ADCY1: variants seen among roughly 807,000 people sequenced by gnomAD.
ADCY1 encodes adenylate cyclase 1, also known as adenylate cyclase type 1.
Under a neutral mutation model 105.4 loss-of-function variants are expected in ADCY1, and 28 were observed. That is an observed-to-expected ratio of 0.27 (90% CI 0.20 to 0.36). The LOEUF (loss-of-function observed/expected upper bound fraction) is 0.36, where lower values mean the gene tolerates loss of function less well. Among genes scored for constraint, ADCY1 ranks in the 10% least tolerant of loss-of-function variants. The pLI is 1.00. For missense variants in ADCY1, 977 were observed against 1,434.2 expected, an observed-to-expected ratio of 0.68 and a Z score of 5.15; for synonymous variants, 655 against 623.8, an observed-to-expected ratio of 1.05 and a Z score of -0.75.
intron 4 of ADCY1, among the ~76,000 whole-genome samples, chr7:45,640,132 T>C (rs772573835): frequency 2.6e-5 from 4 of 152,158 alleles, no homozygotes; most frequent in Non-Finnish European, 5.9e-5. Context: ...AAGGCGAACA[T>C]TCATGGCTTT....
intron 3 of ADCY1, among the ~76,000 whole-genome samples, chr7:45,614,738 G>A (rs1219110728): frequency 1.3e-5 from 2 of 152,166 alleles, no homozygotes; most frequent in Non-Finnish European, 2.9e-5. Context: ...GGCTGTGCTT[G>A]TATCAGAAAA....
chr7:45,592,709 G>T (rs749928042), intron 1 of ADCY1, 50 bp from the exon 2 acceptor site: 16 of 1,611,262 alleles, frequency 9.9e-6, no homozygotes, highest in Non-Finnish European at 1.3e-5. Context: ...GGCCCTCTTT[G>T]TGTGTGTGGG....
At chr7:45,657,600 C>G in intron 5 of ADCY1, 127 bp from the exon 6 acceptor site, 1 of 1,034,852 alleles carries the variant, frequency 9.7e-7, no homozygotes. Flanking sequence ...CCTCCACGCT[C>G]AGGCCACATG....
chr7:45,692,730 A>T (rs1784806821), intron 14 of ADCY1, among the ~76,000 whole-genome samples: 3 of 152,208 alleles, frequency 2.0e-5, no homozygotes, highest in Admixed American at 2.0e-4. Flanking sequence ...GCAGATGGTG[A>T]TAGATTTGTT....
At chr7:45,682,940 A>G (rs1364778381) in intron 11 of ADCY1, among the ~76,000 whole-genome samples, 1 of 152,146 alleles carries the variant, frequency 6.6e-6, no homozygotes, top group Non-Finnish European at 1.5e-5. Context: ...AGACAGCCCG[A>G]GGGCTTCATT....
chr7:45,682,978 G>C (rs540704975), intron 11 of ADCY1, among the ~76,000 whole-genome samples: 1 of 152,148 alleles, frequency 6.6e-6, no homozygotes, highest in African/African-American at 2.4e-5. Context: ...AGACGGTCAG[G>C]AAATGGTGCC....
rs1416334372 is a variant in ADCY1, at chr7:45,708,483, A to G, written c.2932+19A>G. 1 of 1,565,882 alleles carries G rather than the reference A, an allele frequency of 6.4e-7. No homozygotes were observed. Among genetic ancestry groups the G allele is most frequent in the Non-Finnish European group, 8.8e-7 (1 of 1,136,602 alleles). ...CGAGTTGGTATGTGGCTCTAAACCT[A>G]TCCTGTCCATCCATGTGGAACACCT... On this transcript the variant is annotated intron_variant, in intron 18 of 19. Transcript: ENST00000297323. This position sits in a 1 kb window ranked among gnomAD's most constrained non-coding sequence, Gnocchi z 4.7.
chr7:45,662,669 C>T (rs1387077740), intron 8 of ADCY1, among the ~76,000 whole-genome samples: 2 of 152,056 alleles, frequency 1.3e-5, no homozygotes, highest in South Asian at 2.1e-4. Flanking sequence ...TGCAGGAGCT[C>T]GCTGCCTGCA....
intron 5 of ADCY1, among the ~76,000 whole-genome samples, chr7:45,651,102 C>T (rs929368913): frequency 1.3e-5 from 2 of 152,142 alleles, no homozygotes; most frequent in African/African-American, 4.8e-5. Flanking sequence ...TAGCTGCTGT[C>T]TGCTTGGGCT....
chr7:45,633,003 T>A (rs1441795684), intron 4 of ADCY1, among the ~76,000 whole-genome samples: 1 of 152,282 alleles, frequency 6.6e-6, no homozygotes, highest in African/African-American at 2.4e-5. Flanking sequence ...CTGCAATCTC[T>A]GCCTCCCAGG....
chr7:45,592,368 C>T (rs1792946033), intron 1 of ADCY1, among the ~76,000 whole-genome samples: 1 of 152,192 alleles, frequency 6.6e-6, no homozygotes, highest in African/African-American at 2.4e-5. Flanking sequence ...GTCCTCATCT[C>T]CCTTCTTATA....
intron 1 of ADCY1, among the ~76,000 whole-genome samples, chr7:45,581,745 C>T (rs1352851032): frequency 6.6e-6 from 1 of 152,166 alleles, no homozygotes; most frequent in East Asian, 1.9e-4. Flanking sequence ...CTTTCCTGCT[C>T]TCCATTTGAG....
chr7:45,655,658 A>G (rs1375010288), intron 5 of ADCY1, among the ~76,000 whole-genome samples: 3 of 152,212 alleles, frequency 2.0e-5, no homozygotes, highest in Non-Finnish European at 4.4e-5. Context: ...AAGATTGAAG[A>G]TGGAGAGTAT....
intron 4 of ADCY1, among the ~76,000 whole-genome samples, chr7:45,631,703 T>G (rs1488210272): frequency 6.6e-6 from 1 of 152,214 alleles, no homozygotes; most frequent in African/African-American, 2.4e-5. Flanking sequence ...GCATGTGAAT[T>G]CTGTAGCTTT....
At chr7:45,607,259 T>C (rs912868880) in intron 2 of ADCY1, among the ~76,000 whole-genome samples, 3 of 152,120 alleles carry the variant, frequency 2.0e-5, no homozygotes, top group Admixed American at 6.5e-5. Flanking sequence ...GTAGACACTT[T>C]ATGGTGGTGC....
chr7:45,651,867 G>A (rs112365349), intron 5 of ADCY1, among the ~76,000 whole-genome samples: 10 of 152,326 alleles, frequency 6.6e-5, no homozygotes, highest in African/African-American at 2.4e-4. Flanking sequence ...TCTGTTCCAG[G>A]CTTGGGGAAT....
rs1186723070 is a variant in ADCY1 at position 45,686,840 on chromosome 7, C to T, written c.2454+167C>T. ...GGCACTGTCCGGGGATGGAGGAGAC[C>T]TATGCTGGGGGTGCAGGGAGTGGGA... is the stretch of plus-strand genomic sequence containing the variant. On this transcript the variant is annotated intron_variant, in intron 14 of 19. Coordinates refer to ENST00000297323, the MANE Select transcript of ADCY1 (RefSeq NM_021116.4). This position sits in a 1 kb window ranked among gnomAD's most constrained non-coding sequence, Gnocchi z 4.3. 6.6e-6 allele frequency among the ~76,000 whole-genome samples: 1 copy of T among 152,200 alleles called. No homozygotes were observed. Among genetic ancestry groups the T allele is most frequent in the East Asian group, 1.9e-4 (1 of 5,192 alleles).
chr7:45,574,588 G>A lies in ADCY1; in HGVS notation c.45G>A (p.Ala15=), dbSNP rs1387343455. Residue 15 remains alanine (A), a synonymous_variant, in exon 1 of 20, where the codon GCG becomes GCA. Coordinates refer to ENST00000297323, the MANE Select transcript of ADCY1 (RefSeq NM_021116.4). This position sits in a 1 kb window ranked among gnomAD's most constrained non-coding sequence, Gnocchi z 7.0. The stretch of plus-strand genomic sequence containing the variant: ...GCGGAGGCGGCGGCGGAGGCGGCGC[G>A]GGCGAGCCCGGGGGCGCCGAGCGGG... ...PRGGGGGGGG[A]GEPGGAERAA... 1.9e-6 allele frequency: 2 copies of A among 1,046,070 alleles called. No homozygotes were observed. The highest frequency in any genetic ancestry group is 4.4e-4 in the Middle Eastern group (1 of 2,280). The allele number at this position is 1,046,070 out of a possible 1,614,324, so 64.8% of individuals were successfully genotyped here.
intron 4 of ADCY1, among the ~76,000 whole-genome samples, chr7:45,645,446 C>CTGTT (rs1333679326): frequency 6.6e-6 from 1 of 152,116 alleles, no homozygotes; most frequent in Admixed American, 6.5e-5. Flanking sequence ...ACAGGGTGGG[C>CTGTT]TGTTTGGAGC....
Sources: gnomAD v4.1 joint callset for allele counts (sites outside exome capture counted in the v4.1 genomes callset) on GRCh38, gnomAD v4.1.1 for gene constraint, Gnocchi (gnomAD v3.1) non-coding constraint, MANE v1.5 for transcripts, NCBI Gene and HGNC (gene_info 2026-07-23, HGNC 2026-07-21) for gene names.